Variants in LRRFIP2 observed in about 807,000 individuals in gnomAD.
LRRFIP2 encodes the protein leucine-rich repeat flightless-interacting protein 2.
LRRFIP2 carries 109 observed loss-of-function variants against 125.9 expected under a neutral mutation model. That is an observed-to-expected ratio of 0.87 (90% CI 0.74 to 1.01). LRRFIP2 has a LOEUF of 1.01. Ranked by LOEUF, LRRFIP2 falls within the 50% of genes least tolerant of loss-of-function variation. The probability of loss-of-function intolerance (pLI) is 0.00; values close to 1 mark genes in which losing one functional copy is unlikely to be tolerated. For missense variants in LRRFIP2, 850 were observed against 862.3 expected (o/e 0.99, Z 0.18); for synonymous variants, 291 against 293.1 (o/e 0.99, Z 0.07).
upstream of LRRFIP2, chr3:37,175,265 GTCAA>G (rs2096643058): frequency 6.6e-6 from 1 of 151,984 alleles, no homozygotes; most frequent in African/African-American, 2.4e-5. Flanking sequence ...ATCATTTTTA[GTCAA>G]TCAATCCACT....
At chr3:37,112,334 C>CAAAAAAAAA (rs1408342199) in intron 8 of LRRFIP2, among the ~76,000 whole-genome samples, 1 of 73,004 alleles carries the variant, frequency 1.4e-5, no homozygotes, top group Non-Finnish European at 3.0e-5. Flanking sequence ...GACTCCATCT[C>CAAAAAAAAA]AAAAAAAGAA....
intron 1 of LRRFIP2, among the ~76,000 whole-genome samples, chr3:37,164,427 GGTT>G (rs2096424199): frequency 1.3e-5 from 2 of 152,126 alleles, no homozygotes. Flanking sequence ...AACAAAAATT[GGTT>G]AATATGGCAG....
intron 2 of LRRFIP2, among the ~76,000 whole-genome samples, chr3:37,144,418 T>C (rs2095804154): frequency 6.6e-6 from 1 of 152,192 alleles, no homozygotes; most frequent in Admixed American, 6.5e-5. Context: ...GATACTTATA[T>C]TATTGCCAAA....
At chr3:37,149,728 C>T (rs983756602) in intron 1 of LRRFIP2, among the ~76,000 whole-genome samples, 15 of 151,986 alleles carry the variant, frequency 9.9e-5, no homozygotes, top group African/African-American at 3.1e-4. Context: ...ACGTCAGGCA[C>T]GGTGGCTCTC....
Position 37,102,943 on chromosome 3 carries a change from C to A in LRRFIP2, c.854G>T (p.Ser285Ile), listed in dbSNP as rs1005597048. 6.4e-7 allele frequency: 1 copy of A among 1,562,274 alleles called. No homozygotes were observed. Among genetic ancestry groups the A allele is most frequent in the Non-Finnish European group, 8.7e-7 (1 of 1,151,452 alleles). The change falls in exon 15 of 28, where the codon AGT (serine) becomes ATT (isoleucine). Residue 285 changes from serine to isoleucine, a missense_variant. Ser to Ile is a moderately radical substitution (Grantham distance 142). Transcript: ENST00000336686. Reference sequence around the variant, plus strand: ...ACTCACGCTGGACAAATCTGGGATACTGATATCATCCACCTCAGAGACAAC... The same window carrying A: ...ACTCACGCTGGACAAATCTGGGATAATGATATCATCCACCTCAGAGACAAC... ...GSVVSEVDDI[S>I]IPDLSSLDEK...
chr3:37,168,356 A>G (rs2096538410), intron 1 of LRRFIP2, among the ~76,000 whole-genome samples: 1 of 152,238 alleles, frequency 6.6e-6, no homozygotes, highest in South Asian at 2.1e-4. Flanking sequence ...AAAACAAATG[A>G]AATTCTGATA....
At chr3:37,127,773 A>C (rs984455949) in intron 3 of LRRFIP2, 93 bp from the exon 4 acceptor site, 4 of 960,212 alleles carry the variant, frequency 4.2e-6, no homozygotes, top group Non-Finnish European at 6.6e-6. Flanking sequence ...TCCCTAAAAA[A>C]CAATGATAGC....
chr3:37,151,774 T>C (rs1037984637), intron 1 of LRRFIP2, among the ~76,000 whole-genome samples: 2 of 152,100 alleles, frequency 1.3e-5, no homozygotes, highest in Non-Finnish European at 2.9e-5. Context: ...ATTTATGTAT[T>C]TTTAGTAGAA....
At chr3:37,073,508 C>A (rs1409016200) in intron 20 of LRRFIP2, among the ~76,000 whole-genome samples, 2 of 152,066 alleles carry the variant, frequency 1.3e-5, no homozygotes, top group East Asian at 3.9e-4. Context: ...ATTATTATGT[C>A]CTCCTTTCCC....
At chr3:37,072,288 G>A (rs766007999) in intron 21 of LRRFIP2, among the ~76,000 whole-genome samples, 54 of 152,188 alleles carry the variant, frequency 3.5e-4, no homozygotes, top group Non-Finnish European at 7.1e-4. Flanking sequence ...ATTACCTGAG[G>A]TCAGGAGTTG....
At chr3:37,100,780 G>C (rs1413982578) in intron 15 of LRRFIP2, among the ~76,000 whole-genome samples, 1 of 152,076 alleles carries the variant, frequency 6.6e-6, no homozygotes. Context: ...GGGAAAAACG[G>C]GGATTGCTAG....
At chr3:37,059,650 G>A (rs1326783246) in intron 24 of LRRFIP2, among the ~76,000 whole-genome samples, 2 of 152,052 alleles carry the variant, frequency 1.3e-5, no homozygotes, top group African/African-American at 4.8e-5. Context: ...AGTGGGGCAT[G>A]GTGGCACGCG....
chr3:37,081,975 G>A (rs901373439), intron 19 of LRRFIP2, among the ~76,000 whole-genome samples: 6 of 151,852 alleles, frequency 4.0e-5, no homozygotes, highest in Non-Finnish European at 5.9e-5. Flanking sequence ...TAAAATGATG[G>A]AGGGAAAAAC....
chr3:37,072,765 A>G (rs1200271104), intron 21 of LRRFIP2, 25 bp downstream of exon 21: 4 of 1,457,864 alleles, frequency 2.7e-6, no homozygotes, highest in Non-Finnish European at 3.8e-6. Context: ...TGAGCTTCTA[A>G]CCAAAGCCCA....
intron 1 of LRRFIP2, among the ~76,000 whole-genome samples, chr3:37,158,903 T>C (rs1560127414): frequency 6.6e-6 from 1 of 152,186 alleles, no homozygotes; most frequent in Non-Finnish European, 1.5e-5. Flanking sequence ...TATAGCACTG[T>C]CACTGCCTTC....
intron 19 of LRRFIP2, 150 bp downstream of exon 19, chr3:37,083,486 T>C (rs2092803072): frequency 2.1e-6 from 1 of 479,148 alleles, no homozygotes; most frequent in Non-Finnish European, 3.6e-6. Flanking sequence ...ATCCAGGGCC[T>C]GATATCTCAT....
intron 23 of LRRFIP2, 89 bp downstream of exon 23, chr3:37,065,721 T>C: frequency 3.3e-6 from 5 of 1,531,818 alleles, no homozygotes; most frequent in Non-Finnish European, 4.5e-6. Flanking sequence ...GCCCTTATGC[T>C]GTTTTTGTTT....
intron 2 of LRRFIP2, among the ~76,000 whole-genome samples, chr3:37,129,795 C>A (rs2095379966): frequency 6.6e-6 from 1 of 152,072 alleles, no homozygotes; most frequent in South Asian, 2.1e-4. Flanking sequence ...GAGTTTGAGA[C>A]CAGCTTAGGC....
intron 3 of LRRFIP2, among the ~76,000 whole-genome samples, chr3:37,128,138 A>C (rs1276749711): frequency 6.6e-6 from 1 of 152,220 alleles, no homozygotes; most frequent in Non-Finnish European, 1.5e-5. Context: ...ATTTGAAACT[A>C]TACATGAGGT....
Sources: allele counts gnomAD v4.1 joint callset (sites outside exome capture counted in the v4.1 genomes callset), GRCh38; gene constraint gnomAD v4.1.1; transcripts MANE v1.5; gene names NCBI Gene and HGNC (gene_info 2026-07-23, HGNC 2026-07-21).